The following GRM8 variants were observed in gnomAD, a reference collection of about 807,000 sequenced individuals.
GRM8 encodes glutamate metabotropic receptor 8, also known as metabotropic glutamate receptor 8.
GRM8 carries 47 observed loss-of-function variants against 87.2 expected under a neutral mutation model. That is an observed-to-expected ratio of 0.54 (90% CI 0.43 to 0.69). The LOEUF (loss-of-function observed/expected upper bound fraction) is 0.69, where lower values mean the gene tolerates loss of function less well. GRM8 is among the 30% of genes least tolerant of loss of function. The pLI, the probability that GRM8 is intolerant of heterozygous loss-of-function variation, is 0.00. For synonymous variants in GRM8, 396 were observed against 404.5 expected, an observed-to-expected ratio of 0.98 and a Z score of 0.25; for missense variants, 1,019 against 1,139.2, an observed-to-expected ratio of 0.89 and a Z score of 1.52.
At chr7:127,108,504 T>C (rs1247103402) in intron 2 of GRM8, among the ~76,000 whole-genome samples, 1 of 152,080 alleles carries the variant, frequency 6.6e-6, no homozygotes, top group Non-Finnish European at 1.5e-5. Flanking sequence ...CCCTACACCA[T>C]TTCTTTGTCC....
chr7:127,014,947 G>A (rs1338135333), intron 3 of GRM8, among the ~76,000 whole-genome samples: 2 of 138,842 alleles, frequency 1.4e-5, no homozygotes, highest in Non-Finnish European at 3.1e-5. Context: ...GAGAGAGAAA[G>A]AGAGAGAGAA....
At chr7:127,015,046 G>C (rs183086201) in intron 3 of GRM8, among the ~76,000 whole-genome samples, 48 of 123,608 alleles carry the variant, frequency 3.9e-4, no homozygotes, top group Middle Eastern at 8.4e-3. Context: ...AGAAGAAGAA[G>C]AAGAAGAAGA....
chr7:126,617,652 T>C (rs1247241836), intron 7 of GRM8, among the ~76,000 whole-genome samples: 1 of 152,216 alleles, frequency 6.6e-6, no homozygotes, highest in African/African-American at 2.4e-5. Context: ...CAAAATCTCC[T>C]TAAGCTGATA....
intron 6 of GRM8, among the ~76,000 whole-genome samples, chr7:126,855,607 C>A (rs1797604804): frequency 6.6e-6 from 1 of 151,732 alleles, no homozygotes; most frequent in Non-Finnish European, 1.5e-5. Context: ...TCCTCAGTAG[C>A]TGGGATTACA....
intron 2 of GRM8, among the ~76,000 whole-genome samples, chr7:127,211,899 C>A (rs776702850): frequency 2.0e-5 from 3 of 152,222 alleles, no homozygotes; most frequent in Non-Finnish European, 4.4e-5. Flanking sequence ...CAGACTAACA[C>A]AACCCTATAC....
chr7:127,140,836 C>A (rs759397867), intron 2 of GRM8, among the ~76,000 whole-genome samples: 11 of 152,158 alleles, frequency 7.2e-5, no homozygotes, highest in Admixed American at 6.5e-5. Context: ...AGGCATGTGC[C>A]TTGAGCTGCA....
intron 8 of GRM8, among the ~76,000 whole-genome samples, chr7:126,546,809 G>A (rs1369679407): frequency 2.0e-5 from 3 of 152,122 alleles, no homozygotes; most frequent in African/African-American, 7.2e-5. Flanking sequence ...CATTCCATAT[G>A]AGGCATCATA....
intron 9 of GRM8, among the ~76,000 whole-genome samples, chr7:126,529,081 T>G (rs981403142): frequency 6.6e-6 from 1 of 152,214 alleles, no homozygotes; most frequent in African/African-American, 2.4e-5. Flanking sequence ...TTGCTTGCTC[T>G]TCTCTTTAAA....
intron 6 of GRM8, among the ~76,000 whole-genome samples, chr7:126,884,929 G>A (rs954263911): frequency 5.1e-4 from 77 of 152,120 alleles, no homozygotes; most frequent in African/African-American, 1.8e-3. Context: ...ACAAGTTAGG[G>A]GCCTTGTATC....
intron 3 of GRM8, among the ~76,000 whole-genome samples, chr7:127,010,099 T>C (rs951452907): frequency 4.6e-5 from 7 of 152,184 alleles, no homozygotes; most frequent in African/African-American, 1.7e-4. Context: ...TGCCTCAGCC[T>C]CCCAAAGTGC....
At chr7:127,035,276 T>C (rs1189195403) in intron 3 of GRM8, among the ~76,000 whole-genome samples, 1 of 152,180 alleles carries the variant, frequency 6.6e-6, no homozygotes, top group Non-Finnish European at 1.5e-5. Flanking sequence ...ATTACAATGA[T>C]ATTTGCCTTG....
intron 9 of GRM8, among the ~76,000 whole-genome samples, chr7:126,516,957 GA>G (rs970420437): frequency 1.1e-4 from 17 of 151,444 alleles, no homozygotes; most frequent in Admixed American, 8.6e-4. Flanking sequence ...GTGGAGAATA[GA>G]AAAAAAAGTC....
Position 126,904,021 on chromosome 7 carries a change from C to T in GRM8, c.969G>A (p.Glu323=). 1 of 1,583,194 alleles carries T rather than the reference C, an allele frequency of 6.3e-7. No homozygotes were observed. The highest frequency in any genetic ancestry group is 2.2e-5 in the East Asian group (1 of 44,620). ...AAATTGTCACAGCCCCTTCTGCAAT[C>T]TCCTCTTGCTGATAGACAGGTGCTA... is the stretch of plus-strand genomic sequence containing the variant. ...SKIAPVYQQE[E]IAEGAVTILP... The change falls in exon 5 of 11, where the codon GAG becomes GAA. Residue 323 remains glutamate, a synonymous_variant. Transcript: ENST00000339582.
At chr7:127,125,648 C>T (rs1209739433) in intron 2 of GRM8, among the ~76,000 whole-genome samples, 1 of 151,718 alleles carries the variant, frequency 6.6e-6, no homozygotes, top group Non-Finnish European at 1.5e-5. Context: ...AAAACCTTAA[C>T]ACAGCAAAAG....
chr7:126,534,045 GA>G, intron 8 of GRM8, 158 bp from the exon 9 acceptor site: 1 of 617,980 alleles, frequency 1.6e-6, no homozygotes, highest in Non-Finnish European at 2.8e-6. Flanking sequence ...TTGACTTTAT[GA>G]AAGTGTTAAG....
intron 2 of GRM8, among the ~76,000 whole-genome samples, chr7:127,172,196 A>G (rs1373522595): frequency 3.3e-5 from 5 of 152,064 alleles, no homozygotes; most frequent in African/African-American, 9.7e-5. Flanking sequence ...TTTAAAATTG[A>G]TATTTCTTTT....
intron 3 of GRM8, among the ~76,000 whole-genome samples, chr7:127,078,781 A>G (rs6942923): frequency 0.28 from 43,357 of 152,186 alleles, 6,838 homozygotes; most frequent in African/African-American, 0.42. Flanking sequence ...AAGCACACAT[A>G]AATGCCAATT....
rs181801312 is a variant in GRM8 at position 126,898,991 on chromosome 7, C to T, written c.1156+3551G>A. 4.6e-4 allele frequency among the ~76,000 whole-genome samples: 69 copies of T among 151,174 alleles called. 1 individual carries two copies. The highest frequency in any genetic ancestry group is 4.3e-3 in the Admixed American group (65 of 15,200). On this transcript the variant is annotated intron_variant, in intron 6 of 10. Transcript: ENST00000339582. ...TCCCCTCTCTGTGTCCATATGTTCT[C>T]ATTGTTCAACTCCCACTTACGAGTG...
intron 9 of GRM8, among the ~76,000 whole-genome samples, chr7:126,531,099 T>C (rs1245058647): frequency 6.6e-6 from 1 of 152,226 alleles, no homozygotes; most frequent in Non-Finnish European, 1.5e-5. Flanking sequence ...AATTTTCAGA[T>C]GTAGATTTAG....
Sources: allele counts gnomAD v4.1 joint callset (sites outside exome capture counted in the v4.1 genomes callset), GRCh38; gene constraint gnomAD v4.1.1; transcripts MANE v1.5; gene names NCBI Gene and HGNC (gene_info 2026-07-23, HGNC 2026-07-21).